The following SLC9C2 variants were observed in gnomAD, a reference collection of about 807,000 sequenced individuals.
SLC9C2 encodes solute carrier family 9 member C2 (putative).
SLC9C2 carries 75 observed loss-of-function variants against 140.2 expected under a neutral mutation model. The observed-to-expected ratio is 0.53, with a 90% CI of 0.44 to 0.65. The LOEUF (loss-of-function observed/expected upper bound fraction) is 0.65. Among genes scored for constraint, SLC9C2 ranks in the 30% least tolerant of loss-of-function variants. The pLI is 0.00. For synonymous variants in SLC9C2, 375 were observed against 420.9 expected (o/e 0.89, Z 1.34); for missense variants, 1,074 against 1,331.8 (o/e 0.81, Z 3.01).
At chr1:173,550,858 T>G (rs1036499476) in intron 11 of SLC9C2, among the ~76,000 whole-genome samples, 1 of 111,462 alleles carries the variant, frequency 9.0e-6, no homozygotes, top group African/African-American at 4.1e-5. Flanking sequence ...CTGGGCAAGA[T>G]AGTGAGCCGT....
At chr1:173,583,036 A>G (rs549599461) in intron 6 of SLC9C2, among the ~76,000 whole-genome samples, 2 of 152,344 alleles carry the variant, frequency 1.3e-5, no homozygotes, top group South Asian at 4.1e-4. Flanking sequence ...CTTAATGTCC[A>G]AGAACACACA....
chr1:173,504,673 T>G (rs961387950), intron 26 of SLC9C2, among the ~76,000 whole-genome samples: 13 of 152,082 alleles, frequency 8.5e-5, no homozygotes, highest in Non-Finnish European at 4.4e-5. Flanking sequence ...TTGTGTGTGT[T>G]TTTTCTAGAG....
chr1:173,568,315 T>A (rs1255254029), intron 9 of SLC9C2, among the ~76,000 whole-genome samples: 1 of 152,118 alleles, frequency 6.6e-6, no homozygotes, highest in Non-Finnish European at 1.5e-5. Flanking sequence ...CAGTGTCTGT[T>A]GTTTCCTTCT....
At position 173,503,211 on chromosome 1, in the gene SLC9C2, A is replaced by G. The variant is rs1014868910; in HGVS notation, c.3371+55T>C. ...TTTTGCCTCAATTTATTTTAGCTGTATAGTTCAATATTTGCAATAAGAAAA... is the reference window on the plus strand; with the variant it reads ...TTTTGCCTCAATTTATTTTAGCTGTGTAGTTCAATATTTGCAATAAGAAAA... On this transcript the variant is annotated intron_variant, in intron 27 of 27. Transcript: ENST00000367714. The G allele has an allele frequency of 4.1e-6, 6 of 1,471,336 alleles. No individual in the cohort carries two copies. The African/African-American group carries it at 7.0e-5, about 17-fold the overall frequency. 91.1% of individuals were successfully genotyped at this position (1,471,336 alleles called of 1,614,324 possible).
At chr1:173,533,570 T>C in intron 17 of SLC9C2, 39 bp downstream of exon 17, 1 of 1,487,574 alleles carries the variant, frequency 6.7e-7, no homozygotes, top group South Asian at 1.2e-5. Context: ...GAGCTACCAC[T>C]CCTGGCAAAT....
chr1:173,596,064 T>C lies in SLC9C2; in HGVS notation c.357+1840A>G, dbSNP rs1381057825. Among the ~76,000 whole-genome samples the C allele has an allele frequency of 3.3e-5, 5 of 152,344 alleles. No individual in the cohort carries two copies. The East Asian group carries it at 9.6e-4, about 29-fold the overall frequency. ...TACCCCTTGGAGGCTGGCTTATTTC[T>C]CTTAGCACAATGCATTTTAAATTCT... On this transcript the variant is annotated intron_variant, in intron 4 of 27. Coordinates refer to ENST00000367714, the MANE Select transcript of SLC9C2 (RefSeq NM_178527.4).
intron 13 of SLC9C2, among the ~76,000 whole-genome samples, chr1:173,545,982 C>G (rs1048278438): frequency 2.0e-5 from 3 of 152,092 alleles, no homozygotes; most frequent in Admixed American, 6.6e-5. Context: ...AAGGTAGAAG[C>G]TACAAATCTT....
At chr1:173,563,416 G>A (rs1348290408) in intron 9 of SLC9C2, among the ~76,000 whole-genome samples, 1 of 150,840 alleles carries the variant, frequency 6.6e-6, no homozygotes, top group Non-Finnish European at 1.5e-5. Context: ...TTTTTTTAAC[G>A]CTCCCTCAAC....
chr1:173,590,175 G>A (rs537513390), intron 4 of SLC9C2, among the ~76,000 whole-genome samples: 119 of 151,582 alleles, frequency 7.9e-4, no homozygotes, highest in African/African-American at 2.8e-3. Context: ...CCCAGGAAGC[G>A]GAGGTCACAG....
Position 173,581,923 on chromosome 1 carries a change from T to A in SLC9C2, c.726A>T (p.Ile242=). Residue 242 remains isoleucine (I), a synonymous_variant, in exon 7 of 28, where the codon ATA becomes ATT. Coordinates refer to ENST00000367714, the MANE Select transcript of SLC9C2 (RefSeq NM_178527.4). The part of the protein sequence containing the change: ...GYWCAKIIQC[I]LADVFSNMLT... ...GCATATTGCTAAAAACGTCAGCCAA[T>A]ATACACTGAATGATTTTTGCACACC... is the stretch of plus-strand genomic sequence containing the variant. The A allele has an allele frequency of 6.2e-7, 1 of 1,608,582 alleles. No individual in the cohort carries two copies. The highest frequency in any genetic ancestry group is 1.7e-5 in the Admixed American group (1 of 59,926).
intron 4 of SLC9C2, among the ~76,000 whole-genome samples, chr1:173,595,822 G>A (rs1261504333): frequency 3.9e-5 from 6 of 152,050 alleles, no homozygotes; most frequent in Non-Finnish European, 8.8e-5. Context: ...CTCTTTTGGT[G>A]TACAGTTATA....
At chr1:173,542,946 C>T (rs1443711461) in intron 13 of SLC9C2, among the ~76,000 whole-genome samples, 1 of 152,164 alleles carries the variant, frequency 6.6e-6, no homozygotes, top group Non-Finnish European at 1.5e-5. Flanking sequence ...TGAAAACTGG[C>T]ACAAGACAGG....
At chr1:173,547,879 G>C in intron 12 of SLC9C2, 95 bp from the exon 13 acceptor site, 1 of 846,138 alleles carries the variant, frequency 1.2e-6, no homozygotes, top group Non-Finnish European at 1.8e-6. Flanking sequence ...TCTCAACAAA[G>C]ATTCCAATAA....
At chr1:173,530,177 G>T in intron 17 of SLC9C2, 123 bp from the exon 18 acceptor site, 1 of 843,414 alleles carries the variant, frequency 1.2e-6, no homozygotes, top group Non-Finnish European at 1.8e-6. Flanking sequence ...AACTTGTTAG[G>T]AATGCAAAAT....
intron 24 of SLC9C2, among the ~76,000 whole-genome samples, chr1:173,508,181 C>T (rs1049595151): frequency 6.6e-6 from 1 of 151,316 alleles, no homozygotes; most frequent in African/African-American, 2.4e-5. Flanking sequence ...AAAAAATCAG[C>T]TGTTTTGGTT....
chr1:173,532,577 T>C (rs1324115558), intron 17 of SLC9C2, among the ~76,000 whole-genome samples: 1 of 152,166 alleles, frequency 6.6e-6, no homozygotes, highest in Non-Finnish European at 1.5e-5. Flanking sequence ...ATGGAGGAAA[T>C]ATTTTTGTTT....
chr1:173,507,122 TC>T, intron 24 of SLC9C2, 81 bp from the exon 25 acceptor site: 1 of 1,137,888 alleles, frequency 8.8e-7, no homozygotes. Context: ...TACTGATCTA[TC>T]TGAATTATTT....
At chr1:173,506,247 G>A (rs768901392) in intron 25 of SLC9C2, among the ~76,000 whole-genome samples, 1 of 152,226 alleles carries the variant, frequency 6.6e-6, no homozygotes, top group African/African-American at 2.4e-5. Context: ...GATTTAAAGA[G>A]ATGTCAGTCA....
intron 26 of SLC9C2, among the ~76,000 whole-genome samples, chr1:173,504,414 C>A (rs1039178167): frequency 1.3e-5 from 2 of 152,148 alleles, no homozygotes; most frequent in Non-Finnish European, 2.9e-5. Flanking sequence ...AATTGAGAAA[C>A]AGTGAGATAT....
Sources: gnomAD v4.1 joint callset for allele counts (sites outside exome capture counted in the v4.1 genomes callset) on GRCh38, gnomAD v4.1.1 for gene constraint, MANE v1.5 for transcripts, NCBI Gene and HGNC (gene_info 2026-07-23, HGNC 2026-07-21) for gene names.